Variants in AUTS2 observed in about 807,000 individuals in gnomAD.
AUTS2 encodes the protein activator of transcription and developmental regulator AUTS2.
AUTS2 carries 17 observed loss-of-function variants against 112.4 expected under a neutral mutation model. The ratio of observed to expected loss-of-function variants is 0.15; its 90% CI spans 0.10 to 0.23. The LOEUF is 0.23. Among genes scored for constraint, AUTS2 ranks in the 10% least tolerant of loss-of-function variants. The pLI, the probability that AUTS2 is intolerant of heterozygous loss-of-function variation, is 1.00. For missense variants in AUTS2, 1,510 were observed against 1,701.6 expected (o/e 0.89, Z 1.98); for synonymous variants, 751 against 702.7 (o/e 1.07, Z -1.09).
At chr7:70,154,712 A>G (rs1807645258) in intron 4 of AUTS2, among the ~76,000 whole-genome samples, 1 of 152,214 alleles carries the variant, frequency 6.6e-6, no homozygotes, top group African/African-American at 2.4e-5. Flanking sequence ...GGCATGAACC[A>G]TGATCAGCGC....
intron 1 of AUTS2, among the ~76,000 whole-genome samples, chr7:69,661,002 TG>T (rs1410083205): frequency 6.6e-6 from 1 of 152,154 alleles, no homozygotes; most frequent in Non-Finnish European, 1.5e-5. Context: ...CATTGGGAAG[TG>T]GGAACGCTGA....
rs79047177 is a variant in AUTS2 at position 69,619,065 on chromosome 7, G to T, written c.309+19103G>T. On this transcript the variant is annotated intron_variant, in intron 1 of 18. Transcript: ENST00000342771. ...GGTTGTGTTTGGTTTTTCTTCACTG[G>T]GTTCTCAGATGCCTGGTACCAAGCC... Among the ~76,000 whole-genome samples, 442 of 152,194 alleles carry T rather than the reference G, an allele frequency of 2.9e-3. 5 individuals are homozygous for T. Among genetic ancestry groups the T allele is most frequent in the African/African-American group, 0.01 (428 of 41,536 alleles).
intron 4 of AUTS2, among the ~76,000 whole-genome samples, chr7:70,413,146 G>A (rs1794845622): frequency 6.6e-6 from 1 of 152,330 alleles, no homozygotes; most frequent in Admixed American, 6.5e-5. Context: ...TATCCAAGGA[G>A]TCCTGTTCCC....
chr7:70,624,491 A>G (rs895847038), intron 5 of AUTS2, among the ~76,000 whole-genome samples: 4 of 152,240 alleles, frequency 2.6e-5, no homozygotes, highest in African/African-American at 9.6e-5. Context: ...GAGGCGAAGT[A>G]TAAACAAATG....
chr7:69,768,733 A>C (rs1263007580), intron 1 of AUTS2, among the ~76,000 whole-genome samples: 1 of 152,172 alleles, frequency 6.6e-6, no homozygotes, highest in Non-Finnish European at 1.5e-5. Context: ...AGTTGTCTTG[A>C]TTAGAGAGGA....
chr7:70,615,666 C>T (rs534985580), intron 5 of AUTS2, among the ~76,000 whole-genome samples: 3 of 152,020 alleles, frequency 2.0e-5, no homozygotes, highest in South Asian at 2.1e-4. Context: ...CCTTAGTTGG[C>T]GTAGGTAGAG....
intron 4 of AUTS2, among the ~76,000 whole-genome samples, chr7:70,369,648 C>A (rs1311591758): frequency 3.3e-5 from 5 of 152,060 alleles, no homozygotes. Flanking sequence ...GTTGAACTGA[C>A]AGGTTGCAAC....
intron 6 of AUTS2, among the ~76,000 whole-genome samples, chr7:70,712,136 G>A (rs1810088996): frequency 7.3e-6 from 1 of 137,240 alleles, no homozygotes; most frequent in Admixed American, 7.6e-5. Context: ...TTATCCTCCA[G>A]CCTCAGCCTC....
At chr7:69,760,202 T>C (rs183932384) in intron 1 of AUTS2, among the ~76,000 whole-genome samples, 29 of 148,324 alleles carry the variant, frequency 2.0e-4, no homozygotes, top group South Asian at 4.3e-4. Context: ...TTTTTCTTTT[T>C]TTTTTTTTTT....
intron 6 of AUTS2, among the ~76,000 whole-genome samples, chr7:70,760,220 T>C (rs1237841252): frequency 6.6e-6 from 1 of 152,212 alleles, no homozygotes; most frequent in South Asian, 2.1e-4. Flanking sequence ...TTAGCCAGGA[T>C]GGTCTCGATC....
At chr7:69,834,153 C>G in intron 1 of AUTS2, among the ~76,000 whole-genome samples, 1 of 152,154 alleles carries the variant, frequency 6.6e-6, no homozygotes, top group East Asian at 1.9e-4. Flanking sequence ...CTCTACGTCA[C>G]TCTTCTTTAC....
In AUTS2 at chr7:70,790,590, GCCACCACCACCA is replaced by G. The variant is rs538005366; in HGVS notation, c.3389_3400del (p.His1130_His1133del). 185 of 1,600,724 alleles carry G rather than the reference GCCACCACCACCA, an allele frequency of 1.2e-4. No individual in the cohort carries two copies. Among genetic ancestry groups the G allele is most frequent in the Middle Eastern group, 1.6e-4 (1 of 6,064 alleles). On this transcript the variant is annotated inframe_deletion, in exon 19 of 19. Transcript: ENST00000342771. This position sits in a 1 kb window ranked among gnomAD's most constrained non-coding sequence, Gnocchi z 7.6. ...AGGGACCGGGAGCCTCACGACTACA[GCCACCACCACCA>G]CCACCACCACCACCCGCTGTCTGTG...
chr7:70,519,296 T>G (rs1799550195), intron 5 of AUTS2, among the ~76,000 whole-genome samples: 1 of 152,188 alleles, frequency 6.6e-6, no homozygotes, highest in Non-Finnish European at 1.5e-5. Context: ...CAAGGACTCC[T>G]GAAAGGATAG....
chr7:70,272,293 G>C (rs1787731451), intron 4 of AUTS2, among the ~76,000 whole-genome samples: 1 of 151,134 alleles, frequency 6.6e-6, no homozygotes, highest in Non-Finnish European at 1.5e-5. Context: ...TGTAAACCAG[G>C]AGTCATCCTT....
intron 4 of AUTS2, among the ~76,000 whole-genome samples, chr7:70,391,084 T>C (rs1262116628): frequency 2.0e-5 from 3 of 152,224 alleles, no homozygotes; most frequent in Non-Finnish European, 4.4e-5. Context: ...ATCCCACACG[T>C]ACAGGCCACC....
intron 1 of AUTS2, among the ~76,000 whole-genome samples, chr7:69,725,746 A>G (rs1786478795): frequency 6.6e-6 from 1 of 152,162 alleles, no homozygotes; most frequent in Admixed American, 6.5e-5. Flanking sequence ...CACTGAGAAT[A>G]GTTCCTAGCT....
chr7:69,705,081 A>G (rs1331847506), intron 1 of AUTS2, among the ~76,000 whole-genome samples: 1 of 152,118 alleles, frequency 6.6e-6, no homozygotes, highest in Non-Finnish European at 1.5e-5. Context: ...TGCCCATGCT[A>G]GTCTCAAACT....
chr7:69,924,539 C>G (rs1341639267), intron 2 of AUTS2, among the ~76,000 whole-genome samples: 1 of 149,478 alleles, frequency 6.7e-6, no homozygotes, highest in South Asian at 2.1e-4. Context: ...TTCTTTCTTT[C>G]TTTCTTTTCT....
chr7:69,665,454 C>G lies in AUTS2; in HGVS notation c.309+65492C>G, dbSNP rs953443181. Among the ~76,000 whole-genome samples the G allele has an allele frequency of 2.6e-5, 4 of 152,260 alleles. No homozygotes were observed. In the East Asian group the frequency reaches 7.7e-4, roughly 29 times the overall value. ...TGACACTTGATATAAGCTGTCCTTACAGGTTTAAAGCTGTAGGAGTCTGGA... is the reference window on the plus strand; with the variant it reads ...TGACACTTGATATAAGCTGTCCTTAGAGGTTTAAAGCTGTAGGAGTCTGGA... On this transcript the variant is annotated intron_variant, in intron 1 of 18. Transcript: ENST00000342771.
Sources: allele counts gnomAD v4.1 joint callset (sites outside exome capture counted in the v4.1 genomes callset), GRCh38; gene constraint gnomAD v4.1.1; non-coding constraint Gnocchi (gnomAD v3.1); transcripts MANE v1.5; gene names NCBI Gene and HGNC (gene_info 2026-07-23, HGNC 2026-07-21).